Variants in BRINP1 observed in about 807,000 individuals in gnomAD.
The protein encoded by BRINP1 is BMP/retinoic acid-inducible neural-specific protein 1.
BRINP1 carries 17 observed loss-of-function variants against 72.9 expected under a neutral mutation model. The observed-to-expected ratio is 0.23, with a 90% CI of 0.16 to 0.35. The LOEUF (loss-of-function observed/expected upper bound fraction) is 0.35, where lower values mean the gene tolerates loss of function less well. Among genes scored for constraint, BRINP1 ranks in the 10% least tolerant of loss-of-function variants. BRINP1 has a pLI of 1.00. For synonymous variants in BRINP1, 418 were observed against 378.5 expected (o/e 1.10, Z -1.21); for missense variants, 850 against 1,001.6 (o/e 0.85, Z 2.04).
intron 1 of BRINP1, among the ~76,000 whole-genome samples, chr9:119,349,767 G>C (rs1831487706): frequency 6.6e-6 from 1 of 152,182 alleles, no homozygotes; most frequent in Non-Finnish European, 1.5e-5. Context: ...CCAGCAGGGG[G>C]ATCTGTGGAG....
chr9:119,283,955 C>T (rs1830736188), intron 2 of BRINP1, among the ~76,000 whole-genome samples: 2 of 152,294 alleles, frequency 1.3e-5, no homozygotes, highest in South Asian at 4.1e-4. Context: ...CCACCACCAG[C>T]AGCATCTGGT....
At chr9:119,215,453 T>C (rs1340143904) in intron 5 of BRINP1, among the ~76,000 whole-genome samples, 1 of 152,144 alleles carries the variant, frequency 6.6e-6, no homozygotes, top group East Asian at 1.9e-4. Flanking sequence ...TGCAAACAGT[T>C]TTAGCTTCCA....
chr9:119,228,738 G>C (rs138407922), intron 5 of BRINP1, among the ~76,000 whole-genome samples: 1 of 152,016 alleles, frequency 6.6e-6, no homozygotes, highest in Non-Finnish European at 1.5e-5. Context: ...GCGTGATTGC[G>C]CGTGTTGGTT....
chr9:119,339,047 C>A (rs947195347), intron 1 of BRINP1, among the ~76,000 whole-genome samples: 3 of 152,100 alleles, frequency 2.0e-5, no homozygotes, highest in South Asian at 2.1e-4. Flanking sequence ...GAAGATAAAA[C>A]CTTAGCCTCT....
rs151314025 is a variant in BRINP1 at position 119,167,961 on chromosome 9, C to A, written c.1409G>T (p.Arg470Leu). The A allele has an allele frequency of 1.2e-6, 2 of 1,614,208 alleles. No homozygotes were observed. The highest frequency in any genetic ancestry group is 1.7e-6 in the Non-Finnish European group (2 of 1,180,028). ...CTCAAAGCTGATGAACTGCTCGCTCCGCTCCGAGTCCACGTTCTGTGGTTC... is the reference window on the plus strand; with the variant it reads ...CTCAAAGCTGATGAACTGCTCGCTCAGCTCCGAGTCCACGTTCTGTGGTTC... ...RCEPQNVDSE[R>L]SEQFISFETD... is the part of the protein sequence containing the mutation. Residue 470 changes from arginine to leucine, a missense_variant, in exon 8 of 8, where the codon CGG becomes CTG. Transcript: ENST00000265922. This position sits in a 1 kb window ranked among gnomAD's most constrained non-coding sequence, Gnocchi z 4.3.
chr9:119,293,414 A>C (rs1304046189), intron 2 of BRINP1, among the ~76,000 whole-genome samples: 5 of 152,210 alleles, frequency 3.3e-5, no homozygotes, highest in Non-Finnish European at 1.5e-5. Flanking sequence ...GCATATTAGC[A>C]AGACTCTTCT....
chr9:119,255,995 AAGG>A (rs1185123409), intron 2 of BRINP1, among the ~76,000 whole-genome samples: 3 of 144,704 alleles, frequency 2.1e-5, no homozygotes, highest in Admixed American at 6.9e-5. Context: ...ACGAGACAGG[AAGG>A]AGAACTGGCT....
chr9:119,171,483 A>AG (rs1829409924), intron 7 of BRINP1, among the ~76,000 whole-genome samples: 2 of 150,752 alleles, frequency 1.3e-5, no homozygotes, highest in Non-Finnish European at 3.0e-5. Flanking sequence ...TTCATAAAGC[A>AG]AGTCCCGAGT....
At chr9:119,219,682 AG>A (rs1830018550) in intron 5 of BRINP1, among the ~76,000 whole-genome samples, 2 of 146,832 alleles carry the variant, frequency 1.4e-5, no homozygotes, top group East Asian at 1.9e-4. Flanking sequence ...AGAGAGAGAG[AG>A]AGAGAGAGAG....
chr9:119,214,230 T>C (rs1216686239), intron 5 of BRINP1, 75 bp from the exon 6 acceptor site: 1 of 1,087,476 alleles, frequency 9.2e-7, no homozygotes, highest in African/African-American at 1.6e-5. Flanking sequence ...CCAAAGGTGA[T>C]ACATAGGAAT....
intron 7 of BRINP1, among the ~76,000 whole-genome samples, chr9:119,175,162 A>G (rs745974872): frequency 2.0e-5 from 3 of 151,872 alleles, no homozygotes; most frequent in Non-Finnish European, 2.9e-5. Context: ...TGTGGCACAT[A>G]TACACCACGG....
At chr9:119,285,853 G>T (rs1830756066) in intron 2 of BRINP1, among the ~76,000 whole-genome samples, 1 of 152,086 alleles carries the variant, frequency 6.6e-6, no homozygotes, top group South Asian at 2.1e-4. Flanking sequence ...CTGGTATTCA[G>T]TTGTCATATC....
At chr9:119,306,886 T>G (rs1467313067) in intron 2 of BRINP1, among the ~76,000 whole-genome samples, 2 of 152,160 alleles carry the variant, frequency 1.3e-5, no homozygotes, top group East Asian at 3.9e-4. Context: ...GGACATACAC[T>G]CTAGGAATCC....
Position 119,173,290 on chromosome 9 carries a change from G to C in BRINP1, c.1146-5066C>G, listed in dbSNP as rs1273537016. On this transcript the variant is annotated intron_variant, in intron 7 of 7. Coordinates refer to ENST00000265922, the MANE Select transcript of BRINP1 (RefSeq NM_014618.3). Reference sequence around the variant, plus strand: ...ATAAGCAACTTCAGCAAAGTCTCAGGATACAAAATCAATGTACAAAAATCA... The same window carrying C: ...ATAAGCAACTTCAGCAAAGTCTCAGCATACAAAATCAATGTACAAAAATCA... Among the ~76,000 whole-genome samples the C allele has an allele frequency of 3.3e-3, 501 of 149,726 alleles. 5 individuals are homozygous for C. The highest frequency in any genetic ancestry group is 0.011 in the African/African-American group (455 of 40,322).
At chr9:119,222,055 A>G (rs1830046357) in intron 5 of BRINP1, among the ~76,000 whole-genome samples, 1 of 152,260 alleles carries the variant, frequency 6.6e-6, no homozygotes, top group South Asian at 2.1e-4. Flanking sequence ...GTTTTGGCCA[A>G]TGAAATATGA....
At chr9:119,267,062 G>T (rs961069366) in intron 2 of BRINP1, among the ~76,000 whole-genome samples, 1 of 152,146 alleles carries the variant, frequency 6.6e-6, no homozygotes, top group African/African-American at 2.4e-5. Context: ...CCTGGATGAG[G>T]GCAGTAAGTA....
At chr9:119,215,234 C>T (rs1027311578) in intron 5 of BRINP1, among the ~76,000 whole-genome samples, 7 of 152,184 alleles carry the variant, frequency 4.6e-5, no homozygotes, top group African/African-American at 1.7e-4. Flanking sequence ...TCTCATGATC[C>T]TCTCTTTATA....
intron 1 of BRINP1, among the ~76,000 whole-genome samples, chr9:119,315,707 A>G (rs781256617): frequency 5.3e-5 from 8 of 152,228 alleles, no homozygotes; most frequent in Non-Finnish European, 1.0e-4. Context: ...ATGTGAAGGA[A>G]AAGTCCTTTA....
intron 5 of BRINP1, among the ~76,000 whole-genome samples, chr9:119,237,509 C>A (rs1419581417): frequency 6.6e-6 from 1 of 151,806 alleles, no homozygotes; most frequent in Non-Finnish European, 1.5e-5. Context: ...ACTACAGGCG[C>A]CTGCCACCAC....
Sources: allele counts gnomAD v4.1 joint callset (sites outside exome capture counted in the v4.1 genomes callset), GRCh38; gene constraint gnomAD v4.1.1; non-coding constraint Gnocchi (gnomAD v3.1); transcripts MANE v1.5; gene names NCBI Gene and HGNC (gene_info 2026-07-23, HGNC 2026-07-21).